The following GBP6 variants were observed in gnomAD, a reference collection of about 807,000 sequenced individuals.
GBP6 encodes the protein guanylate-binding protein 6.
Under a neutral mutation model 61.5 loss-of-function variants are expected in GBP6, and 54 were observed. That is an observed-to-expected ratio of 0.88 (90% CI 0.71 to 1.10). The LOEUF is 1.10. Ranked by LOEUF, GBP6 falls within the 50% of genes least tolerant of loss-of-function variation. The pLI is 0.00. For missense variants in GBP6, 748 were observed against 752.8 expected, an observed-to-expected ratio of 0.99 and a Z score of 0.07; for synonymous variants, 255 against 273.7, an observed-to-expected ratio of 0.93 and a Z score of 0.67.
At chr1:89,368,224 G>A (rs1652518166) in intron 1 of GBP6, among the ~76,000 whole-genome samples, 1 of 152,122 alleles carries the variant, frequency 6.6e-6, no homozygotes, top group South Asian at 2.1e-4. Flanking sequence ...TGTGTCAGTG[G>A]GGTTGGATAC....
In GBP6 at chr1:89,378,101, A is replaced by G; in HGVS notation, c.319-2A>G. On this transcript the variant is annotated splice_acceptor_variant, in intron 3 of 10. Coordinates refer to ENST00000370456, the MANE Select transcript of GBP6 (RefSeq NM_198460.3). LOFTEE classifies it high-confidence loss of function. ...AGTCCTTTGCTCTAATGTGCTTTTT[A>G]GGGTGACCCTAAGAATGACTCCTGG... 6 of 1,610,934 alleles carry G rather than the reference A, an allele frequency of 3.7e-6. No individual in the cohort carries two copies. Among genetic ancestry groups the G allele is most frequent in the Non-Finnish European group, 5.1e-6 (6 of 1,179,248 alleles).
chr1:89,377,952 T>C (rs1557540604), intron 3 of GBP6, 151 bp from the exon 4 acceptor site: 2 of 670,898 alleles, frequency 3.0e-6, no homozygotes, highest in African/African-American at 3.8e-5. Flanking sequence ...AGAAGACATA[T>C]TGTAACAAAC....
chr1:89,370,766 C>T (rs1253153956), intron 3 of GBP6, among the ~76,000 whole-genome samples: 1 of 152,142 alleles, frequency 6.6e-6, no homozygotes, highest in Non-Finnish European at 1.5e-5. Flanking sequence ...CACAATCCAG[C>T]CAATAATATA....
intron 2 of GBP6, among the ~76,000 whole-genome samples, chr1:89,369,211 T>G (rs1209741914): frequency 6.6e-6 from 1 of 152,114 alleles, no homozygotes; most frequent in East Asian, 1.9e-4. Context: ...CCTTTTTGAG[T>G]TTTTTCCTTC....
At chr1:89,371,793 A>G (rs577351800) in intron 3 of GBP6, among the ~76,000 whole-genome samples, 2 of 152,344 alleles carry the variant, frequency 1.3e-5, no homozygotes, top group East Asian at 3.9e-4. Context: ...TATTCAACAT[A>G]GTGTTGGAAG....
rs1472448717 is a variant in GBP6, at chr1:89,385,650, C to T, written c.*181C>T. On this transcript the variant is annotated 3_prime_UTR_variant, in exon 11 of 11. Transcript: ENST00000370456. ...CTGGGTTCAAGAGATTCACCTGCCTCAGCCCCCTAGTAGCTGGGATTATAG... is the reference window on the plus strand; with the variant it reads ...CTGGGTTCAAGAGATTCACCTGCCTTAGCCCCCTAGTAGCTGGGATTATAG... The T allele has an allele frequency of 1.7e-6, 1 of 575,864 alleles. No individual in the cohort carries two copies. Among genetic ancestry groups the T allele is most frequent in the Non-Finnish European group, 3.0e-6 (1 of 333,096 alleles). 35.7% of individuals were successfully genotyped at this position (575,864 alleles called of 1,614,324 possible).
intron 3 of GBP6, among the ~76,000 whole-genome samples, chr1:89,371,552 A>G (rs909046029): frequency 6.6e-6 from 1 of 152,258 alleles, no homozygotes; most frequent in Admixed American, 6.5e-5. Flanking sequence ...AAGAGAACCA[A>G]ACACAAAAAC....
At chr1:89,382,451 A>G (rs959465372) in intron 7 of GBP6, among the ~76,000 whole-genome samples, 2 of 152,212 alleles carry the variant, frequency 1.3e-5, no homozygotes, top group African/African-American at 4.8e-5. Flanking sequence ...AAGGAACCTG[A>G]AGCTCAGGAA....
chr1:89,384,054 C>G (rs1181657148), intron 9 of GBP6, 39 bp from the exon 10 acceptor site: 2 of 1,533,362 alleles, frequency 1.3e-6, no homozygotes, highest in South Asian at 1.3e-5. Flanking sequence ...GAATCTTCAC[C>G]TATTATTTTC....
chr1:89,378,563 A>G lies in GBP6; in HGVS notation c.575A>G (p.His192Arg). The change falls in exon 5 of 11, where the codon CAC becomes CGC. Residue 192 changes from histidine to arginine, a missense_variant. Transcript: ENST00000370456. Reference protein sequence around the residue: ...DFTLELKLNGHPITEDEYLEN... With the variant: ...DFTLELKLNGRPITEDEYLEN... Reference sequence around the variant, plus strand: ...ACTCTGGAGCTGAAGTTGAACGGTCACCCTATCACAGAAGATGAATACCTG... The same window carrying G: ...ACTCTGGAGCTGAAGTTGAACGGTCGCCCTATCACAGAAGATGAATACCTG... 3 of 1,613,926 alleles carry G rather than the reference A, an allele frequency of 1.9e-6. No individual in the cohort carries two copies. Among genetic ancestry groups the G allele is most frequent in the Non-Finnish European group, 2.5e-6 (3 of 1,179,916 alleles).
rs980723756 is a variant in GBP6, at chr1:89,386,862, G to A, written c.*1393G>A. On this transcript the variant is annotated 3_prime_UTR_variant, in exon 11 of 11. Transcript: ENST00000370456. Reference sequence around the variant, plus strand: ...GGGATGATAGACCCAGACACATAGAGGCCTGGTGTTGACCCTTAATTGTTA... The same window carrying A: ...GGGATGATAGACCCAGACACATAGAAGCCTGGTGTTGACCCTTAATTGTTA... Among the ~76,000 whole-genome samples the A allele has an allele frequency of 6.6e-5, 10 of 152,172 alleles. No homozygotes were observed. Among genetic ancestry groups the A allele is most frequent in the African/African-American group, 2.2e-4 (9 of 41,432 alleles).
chr1:89,373,218 G>T (rs1482071497), intron 3 of GBP6, among the ~76,000 whole-genome samples: 1 of 152,184 alleles, frequency 6.6e-6, no homozygotes, highest in Non-Finnish European at 1.5e-5. Context: ...CTGTTGGTGG[G>T]ACCGTAAACT....
Position 89,378,085 on chromosome 1 carries a change from C to T in GBP6, c.319-18C>T. ...AAAGACTACACTCCTAAGTCCTTTG[C>T]TCTAATGTGCTTTTTAGGGTGACCC... On this transcript the variant is annotated intron_variant, in intron 3 of 10. Coordinates refer to ENST00000370456, the MANE Select transcript of GBP6 (RefSeq NM_198460.3). The T allele has an allele frequency of 6.2e-7, 1 of 1,606,730 alleles. No individual in the cohort carries two copies. Among genetic ancestry groups the T allele is most frequent in the Non-Finnish European group, 8.5e-7 (1 of 1,176,412 alleles).
chr1:89,385,540 A>ATT lies in GBP6; in HGVS notation c.*71_*72insTT. 3.5e-5 allele frequency: 40 copies of ATT among 1,143,386 alleles called. No individual in the cohort carries two copies. Among genetic ancestry groups the ATT allele is most frequent in the Non-Finnish European group, 3.9e-5 (34 of 862,692 alleles). The allele number at this position is 1,143,386 out of a possible 1,614,324, so 70.8% of individuals were successfully genotyped here. A position where few individuals can be genotyped will look rare whatever the true frequency, so the allele number is the denominator to read the frequency against. On this transcript the variant is annotated 3_prime_UTR_variant, in exon 11 of 11. Transcript: ENST00000370456. ...GTATGTTTTTCATTTTCATTCAGCAAGTTTTTTTTTTTTTTCAGAGTCTTA... is the reference window on the plus strand; with the variant it reads ...GTATGTTTTTCATTTTCATTCAGCAATTGTTTTTTTTTTTTTTCAGAGTCTTA...
rs1652532614 is a variant in GBP6 at position 89,368,687 on chromosome 1, C to G, written c.136C>G (p.Leu46Val). The G allele has an allele frequency of 1.2e-6, 2 of 1,614,014 alleles. No homozygotes were observed. The highest frequency in any genetic ancestry group is 2.2e-5 in the South Asian group (2 of 91,088). ...AGTGGTGGTGGTGGCCATTGTAGGACTGTACCGTACAGGGAAATCCTACTT... is the reference window on the plus strand; with the variant it reads ...AGTGGTGGTGGTGGCCATTGTAGGAGTGTACCGTACAGGGAAATCCTACTT... ...QPVVVVAIVG[L>V]YRTGKSYLMN... The change falls in exon 2 of 11, where the codon CTG (leucine) becomes GTG (valine). Residue 46 changes from leucine to valine, a missense_variant. By Grantham distance (32) the Leu-to-Val change is conservative (BLOSUM62 1). Transcript: ENST00000370456.
chr1:89,384,928 G>A (rs1282360828), intron 10 of GBP6, among the ~76,000 whole-genome samples: 1 of 152,178 alleles, frequency 6.6e-6, no homozygotes, highest in Non-Finnish European at 1.5e-5. Flanking sequence ...GCCCAACTGG[G>A]ACTGAGAATT....
chr1:89,371,133 C>T (rs1004341801), intron 3 of GBP6, among the ~76,000 whole-genome samples: 6 of 152,124 alleles, frequency 3.9e-5, no homozygotes, highest in African/African-American at 1.2e-4. Flanking sequence ...CTTAGCATAA[C>T]GACCTCAGTG....
chr1:89,367,619 T>C (rs569121886), intron 1 of GBP6, among the ~76,000 whole-genome samples: 1 of 152,354 alleles, frequency 6.6e-6, no homozygotes, highest in Non-Finnish European at 1.5e-5. Context: ...ACTCTGTTGA[T>C]AGTGTTCTTT....
At chr1:89,378,245 G>A (rs1189609557) in intron 4 of GBP6, 33 bp downstream of exon 4, 1 of 1,587,572 alleles carries the variant, frequency 6.3e-7, no homozygotes, top group Non-Finnish European at 8.5e-7. Flanking sequence ...GAACCACCAG[G>A]TTTCATTGAC....
Sources: gnomAD v4.1 joint callset for allele counts (sites outside exome capture counted in the v4.1 genomes callset) on GRCh38, gnomAD v4.1.1 for gene constraint, MANE v1.5 for transcripts, NCBI Gene and HGNC (gene_info 2026-07-23, HGNC 2026-07-21) for gene names.